PRELID2: variants seen among roughly 807,000 people sequenced by gnomAD.
The protein encoded by PRELID2 is PRELI domain containing 2.
In PRELID2, 25 loss-of-function variants were observed where a neutral mutation model predicts 28.4. The ratio of observed to expected loss-of-function variants is 0.88; its 90% CI spans 0.64 to 1.23. The LOEUF is 1.23. Among genes scored for constraint, PRELID2 ranks in the 50% most tolerant of loss-of-function variants. The probability of loss-of-function intolerance (pLI) is 0.00; values close to 1 mark genes in which losing one functional copy is unlikely to be tolerated. For synonymous variants in PRELID2, 76 were observed against 71.6 expected (o/e 1.06, Z -0.31); for missense variants, 201 against 214.4 (o/e 0.94, Z 0.39).
the PRELID2 span, among the ~76,000 whole-genome samples, chr5:145,290,394 T>TGGA: frequency 6.6e-6 from 1 of 151,932 alleles, no homozygotes; most frequent in South Asian, 2.1e-4. Flanking sequence ...ATGTGGCACA[T>TGGA]ATACACCATG....
intron 5 of PRELID2, among the ~76,000 whole-genome samples, chr5:145,788,473 C>A (rs548118913): frequency 6.6e-6 from 1 of 152,098 alleles, no homozygotes; most frequent in African/African-American, 2.4e-5. Flanking sequence ...GGTTGAGGAA[C>A]ACACTGTATG....
At chr5:145,569,500 A>G (rs979711272) in intron 1 of PRELID2, among the ~76,000 whole-genome samples, 2 of 152,182 alleles carry the variant, frequency 1.3e-5, no homozygotes, top group Admixed American at 6.5e-5. Flanking sequence ...CCTAAAAGCT[A>G]CTAATATTAC....
chr5:145,689,233 G>A (rs1278731595), intron 1 of PRELID2, among the ~76,000 whole-genome samples: 1 of 152,146 alleles, frequency 6.6e-6, no homozygotes, highest in Non-Finnish European at 1.5e-5. Context: ...GGCTTCCCAG[G>A]AGAGGCCAGT....
the PRELID2 span, among the ~76,000 whole-genome samples, chr5:145,288,990 T>C: frequency 6.6e-6 from 1 of 152,152 alleles, no homozygotes; most frequent in African/African-American, 2.4e-5. Flanking sequence ...TACTTTTGCC[T>C]TTAGTCTTAA....
chr5:145,781,945 T>C (rs1751665302), intron 5 of PRELID2, among the ~76,000 whole-genome samples: 1 of 152,058 alleles, frequency 6.6e-6, no homozygotes, highest in South Asian at 2.1e-4. Flanking sequence ...TCTTTGTCTT[T>C]GAATTTAGCA....
Position 145,795,336 on chromosome 5 carries a change from T to A in PRELID2, c.474+1106A>T, listed in dbSNP as rs1752664828. The A allele has an allele frequency of 3.9e-5, 6 of 152,098 alleles. No individual in the cohort carries two copies. The South Asian group carries it at 1.2e-3, about 32-fold the overall frequency. 9.4% of individuals were successfully genotyped at this position (152,098 alleles called of 1,614,324 possible). ...CAACTACTCCCTTCAAGTCCAGGTT[T>A]AAAGAGGCTGGACCAGTCTGAATAT... is the stretch of plus-strand genomic sequence containing the variant. On this transcript the variant is annotated intron_variant, in intron 5 of 6. Transcript: ENST00000683046.
the PRELID2 span, among the ~76,000 whole-genome samples, chr5:145,413,598 T>A: frequency 7.0e-6 from 1 of 142,650 alleles, no homozygotes; most frequent in Non-Finnish European, 1.5e-5. Context: ...AACCAACAAG[T>A]GGATGAAGAA....
intron 1 of PRELID2, among the ~76,000 whole-genome samples, chr5:145,528,547 C>A (rs1460390872): frequency 2.0e-5 from 3 of 151,486 alleles, no homozygotes; most frequent in African/African-American, 7.3e-5. Flanking sequence ...ATTTCCATAC[C>A]TCTCATCTCA....
chr5:145,626,401 C>T (rs927962761), intron 1 of PRELID2, among the ~76,000 whole-genome samples: 1 of 152,180 alleles, frequency 6.6e-6, no homozygotes, highest in African/African-American at 2.4e-5. Context: ...AGCATACCAG[C>T]AGCCAACAAA....
At chr5:145,808,365 G>C (rs1312993391) in intron 4 of PRELID2, among the ~76,000 whole-genome samples, 1 of 151,942 alleles carries the variant, frequency 6.6e-6, no homozygotes, top group African/African-American at 2.4e-5. Flanking sequence ...AAACCAAAAA[G>C]ACTCTAGAGC....
intron 1 of PRELID2, among the ~76,000 whole-genome samples, chr5:145,517,650 C>T (rs1479529313): frequency 6.6e-6 from 1 of 152,090 alleles, no homozygotes; most frequent in Non-Finnish European, 1.5e-5. Flanking sequence ...GGTATATACC[C>T]AAAGGATTAT....
At chr5:145,423,959 G>A in the PRELID2 span, among the ~76,000 whole-genome samples, 32,261 of 150,488 alleles carry the variant, frequency 0.21, 3,723 homozygotes, top group South Asian at 0.32. Flanking sequence ...CTAACAGAGA[G>A]GACCCTCAGC....
At chr5:145,308,449 A>G in the PRELID2 span, among the ~76,000 whole-genome samples, 1 of 152,210 alleles carries the variant, frequency 6.6e-6, no homozygotes. Context: ...TTTACACATT[A>G]TAATTCCTAG....
intron 1 of PRELID2, among the ~76,000 whole-genome samples, chr5:145,583,965 G>T (rs1433441894): frequency 1.3e-5 from 2 of 152,000 alleles, no homozygotes; most frequent in Non-Finnish European, 2.9e-5. Flanking sequence ...AACCAAAAAA[G>T]ACCCTGAATA....
At chr5:145,520,773 G>A (rs147224926) in intron 1 of PRELID2, among the ~76,000 whole-genome samples, 1 of 152,088 alleles carries the variant, frequency 6.6e-6, no homozygotes, top group African/African-American at 2.4e-5. Context: ...AAGCAGACAA[G>A]GATTGCCTGT....
intron 4 of PRELID2, among the ~76,000 whole-genome samples, chr5:145,815,589 G>A (rs1039710480): frequency 4.6e-5 from 7 of 152,270 alleles, no homozygotes; most frequent in African/African-American, 1.7e-4. Context: ...GTAACCCATG[G>A]AAACCAATAA....
chr5:145,403,001 T>A, the PRELID2 span, among the ~76,000 whole-genome samples: 2 of 152,070 alleles, frequency 1.3e-5, no homozygotes, highest in African/African-American at 2.4e-5. Flanking sequence ...TGGGATTAGG[T>A]GGTAGAACTA....
the PRELID2 span, among the ~76,000 whole-genome samples, chr5:145,268,453 T>C: frequency 6.6e-6 from 1 of 152,154 alleles, no homozygotes; most frequent in Non-Finnish European, 1.5e-5. Context: ...TCATCCTCCA[T>C]GCCGCCTTCC....
chr5:145,814,582 C>G lies in PRELID2; in HGVS notation c.368+3312G>C, dbSNP rs1035808421. On this transcript the variant is annotated intron_variant, in intron 4 of 6. Transcript: ENST00000683046. The stretch of plus-strand genomic sequence containing the variant: ...CAAAGTTATGGAGAGCAGTAATGAT[C>G]TGGACAAGGGTTTGGGCTTAAGAAT... Among the ~76,000 whole-genome samples, 144 of 152,246 alleles carry G rather than the reference C, an allele frequency of 9.5e-4. 1 individual carries two copies. Among genetic ancestry groups the G allele is most frequent in the African/African-American group, 3.4e-3 (140 of 41,538 alleles).
Sources: allele counts gnomAD v4.1 joint callset (sites outside exome capture counted in the v4.1 genomes callset), GRCh38; gene constraint gnomAD v4.1.1; transcripts MANE v1.5; gene names NCBI Gene and HGNC (gene_info 2026-07-23, HGNC 2026-07-21).